ADRA1A: variants seen among roughly 807,000 people sequenced by gnomAD.
ADRA1A encodes the protein alpha-1A adrenergic receptor.
ADRA1A carries 31 observed loss-of-function variants against 29.6 expected under a neutral mutation model. The ratio of observed to expected loss-of-function variants is 1.05; its 90% CI spans 0.79 to 1.41. ADRA1A has a LOEUF of 1.41. Ranked by LOEUF, ADRA1A falls within the 40% of genes most tolerant of loss-of-function variation. The probability of loss-of-function intolerance (pLI) is 0.00; values close to 1 mark genes in which losing one functional copy is unlikely to be tolerated. For synonymous variants in ADRA1A, 311 were observed against 254.3 expected, an observed-to-expected ratio of 1.22 and a Z score of -2.12; for missense variants, 619 against 601.1, an observed-to-expected ratio of 1.03 and a Z score of -0.31.
At chr8:26,761,882 G>T (rs79642176), downstream of ADRA1A, among the ~76,000 whole-genome samples, 1,636 of 152,340 alleles carry the variant, frequency 0.011, 12 homozygotes, top group Non-Finnish European at 0.017. Context: ...CAGATGGGCT[G>T]CTGGGGACAG....
chr8:26,847,389 A>AT (rs1336705620), intron 2 of ADRA1A, among the ~76,000 whole-genome samples: 1 of 152,052 alleles, frequency 6.6e-6, no homozygotes, highest in Non-Finnish European at 1.5e-5. Context: ...TTATCCTGGG[A>AT]TTTTTTCCTC....
At position 26,769,853 on chromosome 8, in the gene ADRA1A, A is replaced by G. The variant is rs1806008115; in HGVS notation, c.*296T>C. ...ATATTTATAGTCTTTTGGATTGTGC[A>G]TGAAATTCTGTTTCCCATGGTGGTT... On this transcript the variant is annotated 3_prime_UTR_variant, in exon 3 of 3. Transcript: ENST00000380573. 3.5e-6 allele frequency: 4 copies of G among 1,145,702 alleles called. No individual in the cohort carries two copies. The highest frequency in any genetic ancestry group is 4.3e-6 in the Non-Finnish European group (4 of 932,494). 71.0% of individuals were successfully genotyped at this position (1,145,702 alleles called of 1,614,324 possible).
In ADRA1A at chr8:26,865,664, G is replaced by A. The variant is rs943550716; in HGVS notation, c.-686-9C>T. ...CGTTTGACCGCGTCCACCTGAAAGAGCGCAAAGAGAAAGGCGGCTTTGAGC... is the reference window on the plus strand; with the variant it reads ...CGTTTGACCGCGTCCACCTGAAAGAACGCAAAGAGAAAGGCGGCTTTGAGC... On this transcript the variant is annotated splice_polypyrimidine_tract_variant and intron_variant, in intron 1 of 2. Coordinates refer to ENST00000380573, the MANE Select transcript of ADRA1A (RefSeq NM_000680.4). The surrounding 1 kb of genome is among the most constrained non-coding windows in gnomAD (Gnocchi z 7.6). 3 of 986,124 alleles carry A rather than the reference G, an allele frequency of 3.0e-6. No homozygotes were observed. Among genetic ancestry groups the A allele is most frequent in the African/African-American group, 3.5e-5 (2 of 57,374 alleles). 61.1% of individuals were successfully genotyped at this position (986,124 alleles called of 1,614,324 possible).
In ADRA1A at chr8:26,823,882, T is replaced by C. The variant is rs1455304600; in HGVS notation, c.883+40205A>G. ...AGTAAGACAGCGGCAGAATTGGAAA[T>C]GAAATCTTCATACTCCAAGCCTTTC... On this transcript the variant is annotated intron_variant, in intron 2 of 2. Transcript: ENST00000380573. The surrounding 1 kb of genome is among the most constrained non-coding windows in gnomAD (Gnocchi z 4.2). Among the ~76,000 whole-genome samples the C allele has an allele frequency of 6.6e-6, 1 of 152,172 alleles. No individual in the cohort carries two copies. The highest frequency in any genetic ancestry group is 1.5e-5 in the Non-Finnish European group (1 of 68,026).
intron 2 of ADRA1A, among the ~76,000 whole-genome samples, chr8:26,788,739 C>A (rs759896429): frequency 6.6e-6 from 1 of 151,996 alleles, no homozygotes; most frequent in East Asian, 1.9e-4. Context: ...GGGTTCAAAC[C>A]CATGCTTGCC....
intron 2 of ADRA1A, among the ~76,000 whole-genome samples, chr8:26,810,908 C>G (rs12679964): frequency 2.0e-5 from 3 of 151,322 alleles, no homozygotes; most frequent in Admixed American, 1.3e-4. Context: ...AATTACCTGA[C>G]AAAAAAAAAT....
At chr8:26,802,063 C>A (rs569940471) in intron 2 of ADRA1A, among the ~76,000 whole-genome samples, 3 of 152,224 alleles carry the variant, frequency 2.0e-5, no homozygotes, top group Admixed American at 2.0e-4. Context: ...TAAACCAGAC[C>A]CTTATCTCTT....
intron 2 of ADRA1A, among the ~76,000 whole-genome samples, chr8:26,852,648 A>G (rs191784857): frequency 7.0e-4 from 106 of 152,292 alleles, no homozygotes; most frequent in South Asian, 1.5e-3. Context: ...ACCACTATCC[A>G]TGGAAGAAAT....
At chr8:26,789,786 A>T (rs1450171696) in intron 2 of ADRA1A, among the ~76,000 whole-genome samples, 2 of 152,206 alleles carry the variant, frequency 1.3e-5, no homozygotes, top group Non-Finnish European at 2.9e-5. Context: ...GTGATAATCC[A>T]ATTAAAAAGG....
At chr8:26,828,020 A>T (rs1360951642) in intron 2 of ADRA1A, among the ~76,000 whole-genome samples, 1 of 152,010 alleles carries the variant, frequency 6.6e-6, no homozygotes, top group Non-Finnish European at 1.5e-5. Flanking sequence ...CAACCTCCTG[A>T]GTAGCTGGGA....
chr8:26,818,875 A>G (rs879631880), intron 2 of ADRA1A, among the ~76,000 whole-genome samples: 1 of 152,170 alleles, frequency 6.6e-6, no homozygotes, highest in Non-Finnish European at 1.5e-5. Flanking sequence ...TGCATAATGA[A>G]GAATTTAAGA....
At chr8:26,820,115 GAA>G (rs766371430) in intron 2 of ADRA1A, among the ~76,000 whole-genome samples, 1 of 152,038 alleles carries the variant, frequency 6.6e-6, no homozygotes, top group Non-Finnish European at 1.5e-5. Context: ...TACCAAAACT[GAA>G]AAGAGAAATA....
chr8:26,783,839 C>A (rs1434234036), intron 2 of ADRA1A, among the ~76,000 whole-genome samples: 1 of 152,148 alleles, frequency 6.6e-6, no homozygotes, highest in Admixed American at 6.5e-5. Context: ...CCATTGAATA[C>A]TATGCAGCCA....
chr8:26,852,660 G>C (rs1812724928), intron 2 of ADRA1A, among the ~76,000 whole-genome samples: 1 of 152,058 alleles, frequency 6.6e-6, no homozygotes, highest in African/African-American at 2.4e-5. Context: ...GGAAGAAATA[G>C]AAACCAGTCT....
At chr8:26,784,286 G>A (rs1414782000) in intron 2 of ADRA1A, among the ~76,000 whole-genome samples, 1 of 152,220 alleles carries the variant, frequency 6.6e-6, no homozygotes, top group Non-Finnish European at 1.5e-5. Context: ...CCTCACACCA[G>A]CCATGTTTCT....
intron 2 of ADRA1A, among the ~76,000 whole-genome samples, chr8:26,851,198 T>G (rs1812603499): frequency 6.6e-6 from 1 of 152,218 alleles, no homozygotes; most frequent in Admixed American, 6.5e-5. Flanking sequence ...ATAGAGGTTT[T>G]AAAGAGAAGG....
rs1563236364 is a variant in ADRA1A at position 26,769,165 on chromosome 8, G to A, written c.*984C>T. The A allele has an allele frequency of 2.0e-6, 2 of 985,412 alleles. No individual in the cohort carries two copies. The highest frequency in any genetic ancestry group is 1.7e-5 in the African/African-American group (1 of 57,364). 61.0% of individuals were successfully genotyped at this position (985,412 alleles called of 1,614,324 possible). On this transcript the variant is annotated 3_prime_UTR_variant, in exon 3 of 3. Coordinates refer to ENST00000380573, the MANE Select transcript of ADRA1A (RefSeq NM_000680.4). ...TCTTTTGCCTTTCAAAATATTATAAGCTCTGGATTTTCATAACAGAGTTCT... is the reference window on the plus strand; with the variant it reads ...TCTTTTGCCTTTCAAAATATTATAAACTCTGGATTTTCATAACAGAGTTCT...
At chr8:26,857,477 G>A (rs1049335196) in intron 2 of ADRA1A, among the ~76,000 whole-genome samples, 1 of 152,090 alleles carries the variant, frequency 6.6e-6, no homozygotes, top group African/African-American at 2.4e-5. Flanking sequence ...GACCAGCCTG[G>A]ACAACACAGC....
At chr8:26,829,290 C>A (rs1213863100) in intron 2 of ADRA1A, among the ~76,000 whole-genome samples, 1 of 152,044 alleles carries the variant, frequency 6.6e-6, no homozygotes, top group African/African-American at 2.4e-5. Context: ...CAAAGCAAGG[C>A]AAATTCAAGT....
Sources: gnomAD v4.1 joint callset for allele counts (sites outside exome capture counted in the v4.1 genomes callset) on GRCh38, gnomAD v4.1.1 for gene constraint, Gnocchi (gnomAD v3.1) non-coding constraint, MANE v1.5 for transcripts, NCBI Gene and HGNC (gene_info 2026-07-23, HGNC 2026-07-21) for gene names.